The following GDI2 variants were observed in gnomAD, a reference collection of about 807,000 sequenced individuals.
GDI2 encodes the protein GDP dissociation inhibitor 2.
In GDI2, 22 loss-of-function variants were observed where a neutral mutation model predicts 54.2. That is an observed-to-expected ratio of 0.41 (90% CI 0.29 to 0.58). The LOEUF is 0.58. Among genes scored for constraint, GDI2 ranks in the 20% least tolerant of loss-of-function variants. The pLI, the probability that GDI2 is intolerant of heterozygous loss-of-function variation, is 0.35. For synonymous variants in GDI2, 177 were observed against 182.1 expected (o/e 0.97, Z 0.23); for missense variants, 422 against 546.0 (o/e 0.77, Z 2.26).
intron 7 of GDI2, among the ~76,000 whole-genome samples, chr10:5,773,194 C>T (rs998838878): frequency 6.6e-6 from 1 of 151,854 alleles, no homozygotes; most frequent in Admixed American, 6.5e-5. Flanking sequence ...CATTCCCACA[C>T]AGCTTAATGT....
rs927847045 is a variant in GDI2, at chr10:5,776,782, T to G, written c.720-2841A>C. On this transcript the variant is annotated intron_variant, in intron 6 of 10. Transcript: ENST00000380191. The surrounding 1 kb of genome is among the most constrained non-coding windows in gnomAD (Gnocchi z 5.3). The stretch of plus-strand genomic sequence containing the variant: ...AAGCCAAGGACATTCCAATCCCCAA[T>G]CTTCCTCCCTTGGATTTTCCATCTC... 3 of 1,536,896 alleles carry G rather than the reference T, an allele frequency of 2.0e-6. No homozygotes were observed. The highest frequency in any genetic ancestry group is 2.7e-6 in the Non-Finnish European group (3 of 1,115,236).
intron 6 of GDI2, among the ~76,000 whole-genome samples, chr10:5,780,898 C>A (rs117244976): frequency 6.6e-6 from 1 of 152,088 alleles, no homozygotes; most frequent in African/African-American, 2.4e-5. Flanking sequence ...AAATTGACAA[C>A]CTGATTTTAA....
In GDI2 at chr10:5,776,160, G is replaced by A. The variant is rs528990832; in HGVS notation, c.720-2219C>T. On this transcript the variant is annotated intron_variant, in intron 6 of 10. Transcript: ENST00000380191. This position sits in a 1 kb window ranked among gnomAD's most constrained non-coding sequence, Gnocchi z 5.3. ...CTATTTCTTGTCACAAAAAGGCTGCGGCATATCCTTCAGAAGCCGTGAAGC... is the reference window on the plus strand; with the variant it reads ...CTATTTCTTGTCACAAAAAGGCTGCAGCATATCCTTCAGAAGCCGTGAAGC... The A allele has an allele frequency of 9.1e-5, 27 of 297,098 alleles. No individual in the cohort carries two copies. The highest frequency in any genetic ancestry group is 6.9e-4 in the South Asian group (15 of 21,632). The allele number at this position is 297,098 out of a possible 1,614,324, so 18.4% of individuals were successfully genotyped here. A position where few individuals can be genotyped will look rare whatever the true frequency, so the allele number is the denominator to read the frequency against.
chr10:5,777,127 T>C (rs564469581), intron 6 of GDI2, among the ~76,000 whole-genome samples: 21 of 152,274 alleles, frequency 1.4e-4, no homozygotes, highest in Admixed American at 1.3e-3. Context: ...AATGGCTACA[T>C]AGAATAATTT....
In GDI2 at chr10:5,768,104, C is replaced by A; in HGVS notation, c.991+109G>T. ...AGATTTTTTTCCCCCATATGTAAAC[C>A]AAGGTCTGTTCACTAATACAGCATA... On this transcript the variant is annotated intron_variant, in intron 8 of 10. Coordinates refer to ENST00000380191, the MANE Select transcript of GDI2 (RefSeq NM_001494.4). The surrounding 1 kb of genome is among the most constrained non-coding windows in gnomAD (Gnocchi z 4.4). The A allele has an allele frequency of 1.2e-6, 1 of 869,394 alleles. No homozygotes were observed. Among genetic ancestry groups the A allele is most frequent in the Non-Finnish European group, 1.8e-6 (1 of 545,526 alleles). 53.9% of individuals were successfully genotyped at this position (869,394 alleles called of 1,614,324 possible). A position where few individuals can be genotyped will look rare whatever the true frequency, so the allele number is the denominator to read the frequency against.
At chr10:5,801,718 G>GT (rs1841273284) in intron 1 of GDI2, among the ~76,000 whole-genome samples, 2 of 151,456 alleles carry the variant, frequency 1.3e-5, no homozygotes, top group African/African-American at 4.9e-5. Flanking sequence ...GCATTAAAAA[G>GT]TAACTTTATT....
rs1266586504 is a variant in GDI2 at position 5,765,486 on chromosome 10, T to G, written c.*520A>C. ...CCTATGTCTGGGGTTTGGTTAGAAT[T>G]TTATGCCCACATAAACCAAACTTGT... On this transcript the variant is annotated 3_prime_UTR_variant, in exon 11 of 11. Transcript: ENST00000380191. 6.6e-6 allele frequency: 1 copy of G among 152,664 alleles called. No individual in the cohort carries two copies. The highest frequency in any genetic ancestry group is 1.5e-5 in the Non-Finnish European group (1 of 68,194). The allele number at this position is 152,664 out of a possible 1,614,324, so 9.5% of individuals were successfully genotyped here.
Position 5,776,298 on chromosome 10 carries a change from C to G in GDI2, c.720-2357G>C. On this transcript the variant is annotated intron_variant, in intron 6 of 10. Transcript: ENST00000380191. The surrounding 1 kb of genome is among the most constrained non-coding windows in gnomAD (Gnocchi z 5.3). ...CAGCGTGAAAAGACTGAAAGCCCAG[C>G]AGAACATAGGATGTAGCTGCCCATC... is the stretch of plus-strand genomic sequence containing the variant. 2 of 571,624 alleles carry G rather than the reference C, an allele frequency of 3.5e-6. No individual in the cohort carries two copies. Among genetic ancestry groups the G allele is most frequent in the Middle Eastern group, 5.4e-4 (1 of 1,844 alleles). The allele number at this position is 571,624 out of a possible 1,614,324, so 35.4% of individuals were successfully genotyped here.
At position 5,785,249 on chromosome 10, in the gene GDI2, T is replaced by C; in HGVS notation, c.612A>G (p.Glu204=). 1.2e-6 allele frequency: 2 copies of C among 1,602,806 alleles called. No homozygotes were observed. Among genetic ancestry groups the C allele is most frequent in the Non-Finnish European group, 1.7e-6 (2 of 1,170,530 alleles). The change falls in exon 6 of 11, where the codon GAA becomes GAG. Residue 204 remains glutamate (E), a synonymous_variant. Transcript: ENST00000380191. ...TDDYLDQPCY[E]TINRIKLYSE... ...TGTAAAGTTTAATTCTATTAATGGTTTCATAACACGGTTGATCTAAGTAAC... is the reference window on the plus strand; with the variant it reads ...TGTAAAGTTTAATTCTATTAATGGTCTCATAACACGGTTGATCTAAGTAAC...
chr10:5,777,727 T>C (rs4748913), intron 6 of GDI2, among the ~76,000 whole-genome samples: 50,965 of 152,042 alleles, frequency 0.34, 8,923 homozygotes, highest in Non-Finnish European at 0.38. Flanking sequence ...GACAGTGTGG[T>C]GATTCCTCAA....
rs773872663 is a variant in GDI2 at position 5,768,250 on chromosome 10, C to G, written c.954G>C (p.Gln318His). 1 of 1,613,332 alleles carries G rather than the reference C, an allele frequency of 6.2e-7. No individual in the cohort carries two copies. Among genetic ancestry groups the G allele is most frequent in the East Asian group, 2.2e-5 (1 of 44,890 alleles). ...IKNTNDANSCQIIIPQNQVNR... is the reference protein window; with the variant it reads ...IKNTNDANSCHIIIPQNQVNR... ...TGACTTGGTTCTGTGGAATAATGAT[C>G]TGGCAGGAGTTGGCATCATTGGTGT... The change falls in exon 8 of 11, where the codon CAG (glutamine) becomes CAC (histidine). Residue 318 changes from glutamine to histidine, a missense_variant. By Grantham distance (24) the Gln-to-His change is conservative. Coordinates refer to ENST00000380191, the MANE Select transcript of GDI2 (RefSeq NM_001494.4). This position sits in a 1 kb window ranked among gnomAD's most constrained non-coding sequence, Gnocchi z 4.4.
chr10:5,767,228 T>C (rs1384838535), intron 8 of GDI2, among the ~76,000 whole-genome samples: 1 of 152,052 alleles, frequency 6.6e-6, no homozygotes, highest in Non-Finnish European at 1.5e-5. Context: ...CTTTATTCTT[T>C]TCAGACTTGC....
At chr10:5,775,054 G>A (rs945095361) in intron 6 of GDI2, among the ~76,000 whole-genome samples, 6 of 152,194 alleles carry the variant, frequency 3.9e-5, no homozygotes, top group Non-Finnish European at 7.3e-5. Context: ...TTGGGAAGCC[G>A]AGGCCAGCAG....
At chr10:5,804,487 C>A (rs1841333749) in intron 1 of GDI2, among the ~76,000 whole-genome samples, 1 of 152,148 alleles carries the variant, frequency 6.6e-6, no homozygotes, top group Admixed American at 6.6e-5. Context: ...CACCATCCCC[C>A]AGCACTCTCA....
chr10:5,769,097 G>A (rs1311616420), intron 7 of GDI2: 3 of 150,616 alleles, frequency 2.0e-5, no homozygotes, highest in Admixed American at 6.6e-5. Flanking sequence ...GTCCAGCTTG[G>A]GCAACACACA....
At chr10:5,787,390 A>G (rs1016093969) in intron 4 of GDI2, among the ~76,000 whole-genome samples, 2 of 152,136 alleles carry the variant, frequency 1.3e-5, no homozygotes, top group Non-Finnish European at 2.9e-5. Flanking sequence ...TGTAATCCCA[A>G]CTACTTGGAA....
intron 2 of GDI2, among the ~76,000 whole-genome samples, chr10:5,798,053 G>C (rs1841187477): frequency 6.6e-6 from 1 of 152,130 alleles, no homozygotes; most frequent in African/African-American, 2.4e-5. Context: ...GGTGAGTCTA[G>C]ACACAAGGTA....
intron 4 of GDI2, 105 bp downstream of exon 4, chr10:5,794,780 A>G: frequency 3.9e-6 from 3 of 768,364 alleles, no homozygotes; most frequent in South Asian, 1.7e-5. Flanking sequence ...ATAGACATTC[A>G]ATAAATATTT....
chr10:5,803,415 T>C (rs1165062481), intron 1 of GDI2, among the ~76,000 whole-genome samples: 1 of 152,054 alleles, frequency 6.6e-6, no homozygotes, highest in Non-Finnish European at 1.5e-5. Flanking sequence ...CAAAGTGAGA[T>C]CCTATCTCAA....
Sources: gnomAD v4.1 joint callset for allele counts (sites outside exome capture counted in the v4.1 genomes callset) on GRCh38, gnomAD v4.1.1 for gene constraint, Gnocchi (gnomAD v3.1) non-coding constraint, MANE v1.5 for transcripts, NCBI Gene and HGNC (gene_info 2026-07-23, HGNC 2026-07-21) for gene names.